TM9SF2: variants seen among roughly 807,000 people sequenced by gnomAD.
TM9SF2 encodes transmembrane 9 superfamily member 2, also known as 76 kDa membrane protein.
Under a neutral mutation model 84.9 loss-of-function variants are expected in TM9SF2, and 13 were observed. The observed-to-expected ratio is 0.15, with a 90% confidence interval of 0.10 to 0.24. The LOEUF is 0.24. Ranked by LOEUF, TM9SF2 falls within the 10% of genes least tolerant of loss-of-function variation. The pLI, the probability that TM9SF2 is intolerant of heterozygous loss-of-function variation, is 1.00. For synonymous variants in TM9SF2, 273 were observed against 285.8 expected, an observed-to-expected ratio of 0.96 and a Z score of 0.45; for missense variants, 562 against 818.5, an observed-to-expected ratio of 0.69 and a Z score of 3.82.
In TM9SF2 at chr13:99,501,525, T is replaced by C; in HGVS notation, c.-82T>C. ...CCGGCTTCCTTTATCTCTGGCGGCC[T>C]TGTAGTCGTCTCCGAGACTCCCCAC... On this transcript the variant is annotated 5_prime_UTR_variant, in exon 1 of 17. Coordinates refer to ENST00000376387, the MANE Select transcript of TM9SF2 (RefSeq NM_004800.3). The C allele has an allele frequency of 1.3e-6, 2 of 1,525,778 alleles. No individual in the cohort carries two copies. Among genetic ancestry groups the C allele is most frequent in the South Asian group, 1.2e-5 (1 of 82,954 alleles). The allele number at this position is 1,525,778 out of a possible 1,614,324, so 94.5% of individuals were successfully genotyped here.
chr13:99,544,176 C>A (rs971855546), intron 10 of TM9SF2, among the ~76,000 whole-genome samples, 181 bp downstream of exon 10: 4 of 151,848 alleles, frequency 2.6e-5, no homozygotes, highest in Non-Finnish European at 5.9e-5. Context: ...ATAGTGAAAC[C>A]CCGTCTTTCT....
At chr13:99,508,575 AGATGTTTAATTG>A (rs2046099879) in intron 1 of TM9SF2, among the ~76,000 whole-genome samples, 1 of 152,070 alleles carries the variant, frequency 6.6e-6, no homozygotes, top group African/African-American at 2.4e-5. Context: ...TATAAAGAAA[AGATGTTTAATTG>A]GCCCACAGTT....
intron 3 of TM9SF2, among the ~76,000 whole-genome samples, chr13:99,527,417 G>C: frequency 6.6e-6 from 1 of 152,188 alleles, no homozygotes; most frequent in South Asian, 2.1e-4. Flanking sequence ...CGGCAGAAAA[G>C]AGAAGTGCAG....
intron 11 of TM9SF2, among the ~76,000 whole-genome samples, chr13:99,547,948 A>T (rs530295257): frequency 1.3e-5 from 2 of 152,308 alleles, no homozygotes; most frequent in South Asian, 4.1e-4. Context: ...TTCTCTCTTG[A>T]GTATGTGAAG....
chr13:99,554,605 C>T (rs959596300), intron 14 of TM9SF2, 150 bp downstream of exon 14: 10 of 844,810 alleles, frequency 1.2e-5, no homozygotes, highest in African/African-American at 5.2e-5. Context: ...TTATTTTTAT[C>T]TTTTCCATGT....
intron 3 of TM9SF2, among the ~76,000 whole-genome samples, chr13:99,520,638 A>C (rs546974152): frequency 3.3e-5 from 5 of 152,130 alleles, no homozygotes; most frequent in African/African-American, 9.6e-5. Context: ...GTGAGATCTC[A>C]GCTCACTGCA....
At chr13:99,533,697 C>T (rs1448098832) in intron 4 of TM9SF2, among the ~76,000 whole-genome samples, 1 of 152,132 alleles carries the variant, frequency 6.6e-6, no homozygotes, top group Non-Finnish European at 1.5e-5. Flanking sequence ...CTCGCTCTGT[C>T]TCCCAGGCTG....
Position 99,536,741 on chromosome 13 carries a change from A to T in TM9SF2, c.591+4A>T, listed in dbSNP as rs2046236219. 1.9e-6 allele frequency: 3 copies of T among 1,612,660 alleles called. No individual in the cohort carries two copies. Among genetic ancestry groups the T allele is most frequent in the Non-Finnish European group, 2.5e-6 (3 of 1,179,216 alleles). On this transcript the variant is annotated splice_donor_region_variant and intron_variant, in intron 5 of 16. Transcript: ENST00000376387. ...AAAAGATGCCTGTGTTATTAGTGTA[A>T]GTTCATGATAAACTCTTTGCTGCTT... is the stretch of plus-strand genomic sequence containing the variant.
At chr13:99,550,517 G>A (rs1318310630) in intron 12 of TM9SF2, among the ~76,000 whole-genome samples, 2 of 152,038 alleles carry the variant, frequency 1.3e-5, no homozygotes, top group African/African-American at 2.4e-5. Context: ...CTTCTTTTAT[G>A]TCTCTGATCA....
intron 1 of TM9SF2, among the ~76,000 whole-genome samples, chr13:99,512,018 G>A (rs2046115722): frequency 6.6e-6 from 1 of 152,164 alleles, no homozygotes; most frequent in Admixed American, 6.5e-5. Flanking sequence ...GCCAGGACAA[G>A]TATAATGGAT....
intron 1 of TM9SF2, among the ~76,000 whole-genome samples, chr13:99,505,152 CTT>C (rs35156746): frequency 3.7e-5 from 5 of 135,002 alleles, no homozygotes; most frequent in Non-Finnish European, 6.2e-5. Context: ...GTCCCTAAGA[CTT>C]TTTTTTTTTT....
chr13:99,506,997 C>T (rs1566561722), intron 1 of TM9SF2, among the ~76,000 whole-genome samples: 2 of 152,180 alleles, frequency 1.3e-5, no homozygotes, highest in South Asian at 4.1e-4. Flanking sequence ...AATTTTTTCT[C>T]TTTTTGCTCC....
intron 1 of TM9SF2, among the ~76,000 whole-genome samples, chr13:99,515,015 T>G (rs952389450): frequency 6.6e-6 from 1 of 152,226 alleles, no homozygotes; most frequent in Non-Finnish European, 1.5e-5. Flanking sequence ...AGAGGCAGGA[T>G]TTAAACCCAC....
intron 1 of TM9SF2, among the ~76,000 whole-genome samples, chr13:99,512,196 T>C (rs879177661): frequency 6.6e-6 from 1 of 152,248 alleles, no homozygotes; most frequent in Non-Finnish European, 1.5e-5. Context: ...GCAGTTTCTT[T>C]AAGATAATAG....
chr13:99,524,076 G>A (rs1189573367), intron 3 of TM9SF2, among the ~76,000 whole-genome samples: 1 of 152,144 alleles, frequency 6.6e-6, no homozygotes, highest in Non-Finnish European at 1.5e-5. Flanking sequence ...AGAAGTAACA[G>A]GACCACATTA....
At chr13:99,513,911 C>G in intron 1 of TM9SF2, among the ~76,000 whole-genome samples, 1 of 111,822 alleles carries the variant, frequency 8.9e-6, no homozygotes, top group Non-Finnish European at 2.2e-5. Context: ...CCTGTAAAGC[C>G]TAAGACATTA....
intron 3 of TM9SF2, among the ~76,000 whole-genome samples, chr13:99,523,842 A>C (rs1226039408): frequency 6.6e-6 from 1 of 152,214 alleles, no homozygotes; most frequent in East Asian, 1.9e-4. Context: ...TAAATCTGTG[A>C]AGGTGTGTGG....
chr13:99,503,709 C>CAAAAAAAAA (rs386380419), intron 1 of TM9SF2, among the ~76,000 whole-genome samples: 6 of 78,446 alleles, frequency 7.6e-5, no homozygotes, highest in Admixed American at 1.3e-4. Flanking sequence ...GACTTTGTCT[C>CAAAAAAAAA]AAAAAAAAAA....
At chr13:99,507,960 G>A (rs1244553152) in intron 1 of TM9SF2, among the ~76,000 whole-genome samples, 1 of 152,142 alleles carries the variant, frequency 6.6e-6, no homozygotes, top group African/African-American at 2.4e-5. Flanking sequence ...TGGCCCGTGT[G>A]CCTTGTTAAA....
Sources: allele counts gnomAD v4.1 joint callset (sites outside exome capture counted in the v4.1 genomes callset), GRCh38; gene constraint gnomAD v4.1.1; transcripts MANE v1.5; gene names NCBI Gene and HGNC (gene_info 2026-07-23, HGNC 2026-07-21).